Variants in ALOXE3 observed in about 807,000 individuals in gnomAD.
The protein encoded by ALOXE3 is hydroperoxide isomerase ALOXE3.
Under a neutral mutation model 87.5 loss-of-function variants are expected in ALOXE3, and 78 were observed. That is an observed-to-expected ratio of 0.89 (90% confidence interval 0.74 to 1.08). The LOEUF (loss-of-function observed/expected upper bound fraction) is 1.08, where lower values mean the gene tolerates loss of function less well. Among genes scored for constraint, ALOXE3 ranks in the 50% least tolerant of loss-of-function variants. The probability of loss-of-function intolerance (pLI) is 0.00; values close to 1 mark genes in which losing one functional copy is unlikely to be tolerated. For synonymous variants in ALOXE3, 363 were observed against 370.8 expected, an observed-to-expected ratio of 0.98 and a Z score of 0.24; for missense variants, 946 against 912.4, an observed-to-expected ratio of 1.04 and a Z score of -0.47.
At position 8,114,616 on chromosome 17, in the gene ALOXE3, G is replaced by C. The variant is rs1240944347; in HGVS notation, c.555-7C>G. 2.5e-6 allele frequency: 4 copies of C among 1,613,852 alleles called. No individual in the cohort carries two copies. In the South Asian group the frequency reaches 4.4e-5, roughly 18 times the overall value. ...CAGGTACCGATTCCCACTGCTGGGG[G>C]TCGGGGGAGTAGAAAGACAGAAACC... On this transcript the variant is annotated splice_polypyrimidine_tract_variant and splice_region_variant and intron_variant, in intron 5 of 15. Coordinates refer to ENST00000448843, the MANE Select transcript of ALOXE3 (RefSeq NM_021628.3).
rs1325038757 is a variant in ALOXE3, at chr17:8,118,186, G to A, written c.-196C>T. On this transcript the variant is annotated 5_prime_UTR_variant, in exon 2 of 16. Transcript: ENST00000448843. ...TCTCTCTCCGAAGCTCCCTGCTGGC[G>A]GCTCGGGCTTCCTCTCTCCGCCCAC... 6.4e-7 allele frequency: 1 copy of A among 1,551,542 alleles called. No individual in the cohort carries two copies. Among genetic ancestry groups the A allele is most frequent in the Non-Finnish European group, 8.7e-7 (1 of 1,146,994 alleles).
intron 1 of ALOXE3, 64 bp from the exon 2 acceptor site, chr17:8,118,367 A>G (rs1349675747): frequency 6.4e-7 from 1 of 1,551,474 alleles, no homozygotes; most frequent in South Asian, 1.2e-5. Flanking sequence ...TAATTGGGAC[A>G]CTGCCCTCCG....
At position 8,111,521 on chromosome 17, in the gene ALOXE3, T is replaced by C. The variant is rs754579321; in HGVS notation, c.795A>G (p.Thr265=). ...CHKTFTTKYV[T]EHWCEDHFFG... is the part of the protein sequence containing the mutation. ...AGAAGTGATCTTCACACCAGTGCTC[T>C]GTGACATACTCTGGGATACAAGAGA... Residue 265 remains threonine, a synonymous_variant, in exon 8 of 16, where the codon ACA becomes ACG. Coordinates refer to ENST00000448843, the MANE Select transcript of ALOXE3 (RefSeq NM_021628.3). 1.9e-6 allele frequency: 3 copies of C among 1,614,234 alleles called. No homozygotes were observed. The highest frequency in any genetic ancestry group is 2.5e-6 in the Non-Finnish European group (3 of 1,180,042).
intron 8 of ALOXE3, among the ~76,000 whole-genome samples, 175 bp from the exon 9 acceptor site, chr17:8,110,703 C>T (rs755788867): frequency 3.9e-5 from 6 of 152,192 alleles, no homozygotes; most frequent in Non-Finnish European, 8.8e-5. Context: ...CCAAAATGTC[C>T]GGAATGAGGT....
chr17:8,107,882 A>G (rs1277102246), intron 13 of ALOXE3, among the ~76,000 whole-genome samples: 104 of 4,886 alleles, frequency 0.021, 2 homozygotes, highest in Middle Eastern at 0.083. Flanking sequence ...AGAAAGAAAG[A>G]AAGAAAGAAA....
intron 8 of ALOXE3, 21 bp from the exon 9 acceptor site, chr17:8,110,549 C>G (rs750289101): frequency 2.5e-6 from 4 of 1,613,546 alleles, no homozygotes; most frequent in Non-Finnish European, 2.5e-6. Flanking sequence ...CACACAGAGG[C>G]TGAGTGTCCC....
In ALOXE3 at chr17:8,118,072, G is replaced by A. The variant is rs1598221567; in HGVS notation, c.-82C>T. On this transcript the variant is annotated 5_prime_UTR_variant, in exon 2 of 16. Coordinates refer to ENST00000448843, the MANE Select transcript of ALOXE3 (RefSeq NM_021628.3). ...GAGGAGAAGAGCGGCACGCCGGACA[G>A]GGCTGGGTTTCTGGGCGGAGGGCTA... The A allele has an allele frequency of 6.4e-7, 1 of 1,573,192 alleles. No homozygotes were observed. The highest frequency in any genetic ancestry group is 1.7e-4 in the Middle Eastern group (1 of 6,016).
At position 8,108,029 on chromosome 17, in the gene ALOXE3, A is replaced by AAGAAAGAAAGAAAGAAAGAAAG. The variant is rs1979645077; in HGVS notation, c.1684+417_1684+438dup. 2.4e-5 allele frequency among the ~76,000 whole-genome samples: 2 copies of AAGAAAGAAAGAAAGAAAGAAAG among 81,942 alleles called. 1 individual carries two copies. Among genetic ancestry groups the AAGAAAGAAAGAAAGAAAGAAAG allele is most frequent in the Non-Finnish European group, 5.9e-5 (2 of 34,096 alleles). The allele number at this position is 81,942 out of a possible 152,430, so 53.8% of individuals were successfully genotyped here. On this transcript the variant is annotated intron_variant, in intron 13 of 15. Coordinates refer to ENST00000448843, the MANE Select transcript of ALOXE3 (RefSeq NM_021628.3). ...AAAGAAAGAAAGAAAGAAAGAAAGAAAGAAAGAAAGAAAGAAAGAAAGAAA... is the reference window on the plus strand; with the variant it reads ...AAAGAAAGAAAGAAAGAAAGAAAGAAAGAAAGAAAGAAAGAAAGAAAGAGAAAGAAAGAAAGAAAGAAAGAAA...
rs553080019 is a variant in ALOXE3, at chr17:8,104,025, C to A, written c.1785+90G>T. ...AAGTCTAATCATAAACCCACCCCAA[C>A]GCTGACCCACCCAAGCTCTCAACCC... On this transcript the variant is annotated intron_variant, in intron 14 of 15. Coordinates refer to ENST00000448843, the MANE Select transcript of ALOXE3 (RefSeq NM_021628.3). 27 of 1,126,948 alleles carry A rather than the reference C, an allele frequency of 2.4e-5. No homozygotes were observed. In the African/African-American group the frequency reaches 3.2e-4, roughly 13 times the overall value. The allele number at this position is 1,126,948 out of a possible 1,614,324, so 69.8% of individuals were successfully genotyped here.
chr17:8,115,156 C>T, intron 4 of ALOXE3, 99 bp from the exon 5 acceptor site: 1 of 1,493,206 alleles, frequency 6.7e-7, no homozygotes, highest in Admixed American at 1.7e-5. Context: ...TCAAAAACCA[C>T]CTACTTTCTG....
intron 15 of ALOXE3, among the ~76,000 whole-genome samples, chr17:8,097,697 C>T (rs1413765580): frequency 6.6e-6 from 1 of 151,986 alleles, no homozygotes; most frequent in African/African-American, 2.4e-5. Context: ...AACCAGCACA[C>T]ACTTCCCATT....
chr17:8,109,981 A>G lies in ALOXE3; in HGVS notation c.1327T>C (p.Tyr443His), dbSNP rs771901360. 1 of 1,552,662 alleles carries G rather than the reference A, an allele frequency of 6.4e-7. No individual in the cohort carries two copies. Among genetic ancestry groups the G allele is most frequent in the East Asian group, 2.4e-5 (1 of 41,046 alleles). ...IYKLLLPHTR[Y>H]TLQVNTIARA... is the part of the protein sequence containing the mutation. ...GCGATGGTGTTCACCTGCAGCGTGT[A>G]TCGAGTGTGGGGGAGTAGGAGCTGC... Residue 443 changes from tyrosine to histidine, a missense_variant, in exon 11 of 16, where the codon TAC becomes CAC. Physicochemically the swap from Tyr to His is moderately conservative, Grantham distance 83 (BLOSUM62 2). Transcript: ENST00000448843.
chr17:8,111,242 G>T, intron 8 of ALOXE3, 117 bp downstream of exon 8: 1 of 1,276,788 alleles, frequency 7.8e-7, no homozygotes, highest in Non-Finnish European at 1.1e-6. Flanking sequence ...AGAGGATGAG[G>T]CCCACAGGTG....
Position 8,096,665 on chromosome 17 carries a change from G to C in ALOXE3, c.2098C>G (p.Leu700Val). 6.6e-7 allele frequency: 1 copy of C among 1,519,334 alleles called. No individual in the cohort carries two copies. The highest frequency in any genetic ancestry group is 9.1e-7 in the Non-Finnish European group (1 of 1,093,644). 94.1% of individuals were successfully genotyped at this position (1,519,334 alleles called of 1,614,324 possible). A position where few individuals can be genotyped will look rare whatever the true frequency, so the allele number is the denominator to read the frequency against. Residue 700 changes from leucine (L) to valine (V), a missense_variant, in exon 16 of 16, where the codon CTG becomes GTG. Leu to Val is a conservative substitution (Grantham distance 32, BLOSUM62 1). Transcript: ENST00000448843. Reference protein sequence around the residue: ...NQGLALPYTYLDPPLIENSVS... With the variant: ...NQGLALPYTYVDPPLIENSVS... ...CTGTTCTCAATGAGGGGAGGGTCCAGGTAGGTGTAGGGCAGTGCCAGACCC... is the reference window on the plus strand; with the variant it reads ...CTGTTCTCAATGAGGGGAGGGTCCACGTAGGTGTAGGGCAGTGCCAGACCC...
Position 8,104,345 on chromosome 17 carries a change from G to A in ALOXE3, c.1685-130C>T, listed in dbSNP as rs1189865085. 1.8e-5 allele frequency: 13 copies of A among 703,538 alleles called. 1 individual carries two copies. Among genetic ancestry groups the A allele is most frequent in the Admixed American group, 6.2e-5 (3 of 48,674 alleles). The allele number at this position is 703,538 out of a possible 1,614,324, so 43.6% of individuals were successfully genotyped here. On this transcript the variant is annotated intron_variant, in intron 13 of 15. Transcript: ENST00000448843. ...AACACCGAGCCATGACTGTCTTGTC[G>A]GGCTGGTTAGGGATGGCCACCACCA...
At chr17:8,110,627 C>G in intron 8 of ALOXE3, 99 bp from the exon 9 acceptor site, 1 of 1,535,074 alleles carries the variant, frequency 6.5e-7, no homozygotes, top group Non-Finnish European at 8.9e-7. Context: ...AGCTGAGGCC[C>G]CCAGCTGAGG....
intron 15 of ALOXE3, among the ~76,000 whole-genome samples, chr17:8,099,567 A>G (rs1978791474): frequency 6.6e-6 from 1 of 151,872 alleles, no homozygotes; most frequent in African/African-American, 2.4e-5. Context: ...AGGCTGAGGC[A>G]GGAAAATTGC....
rs1028793075 is a variant in ALOXE3, at chr17:8,115,180, G to A, written c.435-123C>T. 9 of 1,348,084 alleles carry A rather than the reference G, an allele frequency of 6.7e-6. No individual in the cohort carries two copies. In the African/African-American group the frequency reaches 1.3e-4, roughly 19 times the overall value. 83.5% of individuals were successfully genotyped at this position (1,348,084 alleles called of 1,614,324 possible). Reference sequence around the variant, plus strand: ...ACCTACTTTCTGGATGAGTGACAAGGAATTGGACATTTCTCCATGAAAGCA... The same window carrying A: ...ACCTACTTTCTGGATGAGTGACAAGAAATTGGACATTTCTCCATGAAAGCA... On this transcript the variant is annotated intron_variant, in intron 4 of 15. Transcript: ENST00000448843.
At position 8,118,169 on chromosome 17, in the gene ALOXE3, C is replaced by T. The variant is rs968964579; in HGVS notation, c.-179G>A. The T allele has an allele frequency of 3.9e-6, 6 of 1,551,398 alleles. No homozygotes were observed. Among genetic ancestry groups the T allele is most frequent in the Non-Finnish European group, 2.6e-6 (3 of 1,146,984 alleles). On this transcript the variant is annotated 5_prime_UTR_variant, in exon 2 of 16. Coordinates refer to ENST00000448843, the MANE Select transcript of ALOXE3 (RefSeq NM_021628.3). Reference sequence around the variant, plus strand: ...GGGATGTTCCTGGGCTTTCTCTCTCCGAAGCTCCCTGCTGGCGGCTCGGGC... The same window carrying T: ...GGGATGTTCCTGGGCTTTCTCTCTCTGAAGCTCCCTGCTGGCGGCTCGGGC...
Sources: allele counts gnomAD v4.1 joint callset (sites outside exome capture counted in the v4.1 genomes callset), GRCh38; gene constraint gnomAD v4.1.1; transcripts MANE v1.5; gene names NCBI Gene and HGNC (gene_info 2026-07-23, HGNC 2026-07-21).